The following RYR2 variants were observed in gnomAD, a reference collection of about 807,000 sequenced individuals.
RYR2 encodes the protein ryanodine receptor 2, also known as cardiac muscle ryanodine receptor-calcium release channel.
Under a neutral mutation model 601.1 loss-of-function variants are expected in RYR2, and 227 were observed. The observed-to-expected ratio is 0.38, with a 90% CI of 0.34 to 0.42. RYR2 has a LOEUF of 0.42. RYR2 is among the 10% of genes least tolerant of loss of function. The probability of loss-of-function intolerance (pLI) is 1.00; values close to 1 mark genes in which losing one functional copy is unlikely to be tolerated. For synonymous variants in RYR2, 2,223 were observed against 2,175.1 expected, an observed-to-expected ratio of 1.02 and a Z score of -0.61; for missense variants, 4,646 against 6,156.5, an observed-to-expected ratio of 0.75 and a Z score of 8.21.
chr1:237,327,116 C>T (rs1296114514), intron 2 of RYR2, among the ~76,000 whole-genome samples: 1 of 152,034 alleles, frequency 6.6e-6, no homozygotes, highest in Non-Finnish European at 1.5e-5. Context: ...CACTACAAAT[C>T]TCTGATGTGT....
intron 24 of RYR2, among the ~76,000 whole-genome samples, 181 bp from the exon 25 acceptor site, chr1:237,530,246 G>A (rs764441242): frequency 1.3e-5 from 2 of 151,744 alleles, no homozygotes; most frequent in Non-Finnish European, 2.9e-5. Flanking sequence ...GGGAGGCGGA[G>A]CTTGCAGTGA....
At chr1:237,659,862 C>G (rs1007734997) in intron 54 of RYR2, 123 bp from the exon 55 acceptor site, 2 of 535,418 alleles carry the variant, frequency 3.7e-6, no homozygotes, top group Non-Finnish European at 6.5e-6. Flanking sequence ...AAATTTCAAT[C>G]TTAACCCTTA....
chr1:237,266,303 G>A (rs2058932), intron 1 of RYR2, among the ~76,000 whole-genome samples: 126,175 of 151,938 alleles, frequency 0.83, 52,492 homozygotes, highest in South Asian at 0.93. Context: ...GGCAGTGTTG[G>A]TCTTTATTCT....
At chr1:237,322,053 G>A (rs1695676141) in intron 2 of RYR2, among the ~76,000 whole-genome samples, 1 of 152,080 alleles carries the variant, frequency 6.6e-6, no homozygotes, top group African/African-American at 2.4e-5. Flanking sequence ...TATAAGAACA[G>A]TTTCAATGTT....
chr1:237,646,172 C>A (rs1281619963), intron 48 of RYR2, among the ~76,000 whole-genome samples: 2 of 151,896 alleles, frequency 1.3e-5, no homozygotes, highest in African/African-American at 4.8e-5. Context: ...CCACCGTGCC[C>A]GGCCAAATCT....
chr1:237,794,071 C>T, intron 95 of RYR2, 74 bp downstream of exon 95: 1 of 1,333,326 alleles, frequency 7.5e-7, no homozygotes. Context: ...GGAGTTCCTG[C>T]AGATTTGTCA....
intron 76 of RYR2, among the ~76,000 whole-genome samples, chr1:237,727,724 A>G (rs1016834939): frequency 2.6e-5 from 4 of 152,120 alleles, no homozygotes; most frequent in Non-Finnish European, 5.9e-5. Context: ...TATTTTTGTA[A>G]TTATTAGCAT....
intron 1 of RYR2, among the ~76,000 whole-genome samples, chr1:237,186,384 T>TAC (rs1679338952): frequency 6.6e-6 from 1 of 152,188 alleles, no homozygotes; most frequent in Non-Finnish European, 1.5e-5. Flanking sequence ...AGAGCCTTAG[T>TAC]ACAATAATGA....
chr1:237,564,282 T>C (rs1355192268), intron 27 of RYR2, among the ~76,000 whole-genome samples: 1 of 152,182 alleles, frequency 6.6e-6, no homozygotes, highest in Non-Finnish European at 1.5e-5. Flanking sequence ...CTTTCTTTCT[T>C]TTTTTAAACA....
chr1:237,731,973 C>T (rs1236320729), intron 77 of RYR2, 73 bp from the exon 78 acceptor site: 20 of 892,362 alleles, frequency 2.2e-5, no homozygotes, highest in Non-Finnish European at 3.3e-5. Context: ...CATTGCTGTC[C>T]TTCACAGTGC....
chr1:237,066,680 C>T (rs1432217804), intron 1 of RYR2, among the ~76,000 whole-genome samples: 24 of 150,836 alleles, frequency 1.6e-4, no homozygotes, highest in Non-Finnish European at 2.8e-4. Flanking sequence ...CTCGCTCTGT[C>T]GCCCAGGCTG....
At chr1:237,253,257 G>A (rs1292129253) in intron 1 of RYR2, among the ~76,000 whole-genome samples, 1 of 151,178 alleles carries the variant, frequency 6.6e-6, no homozygotes, top group African/African-American at 2.4e-5. Context: ...CTGTCTAATA[G>A]ATGAGATCAC....
chr1:237,172,985 C>A (rs1228393098), intron 1 of RYR2, among the ~76,000 whole-genome samples: 1 of 152,096 alleles, frequency 6.6e-6, no homozygotes, highest in Non-Finnish European at 1.5e-5. Flanking sequence ...AATAAGCCTG[C>A]TAGTATGAGC....
intron 2 of RYR2, among the ~76,000 whole-genome samples, chr1:237,283,462 G>T (rs1291057701): frequency 6.6e-6 from 1 of 152,212 alleles, no homozygotes; most frequent in Non-Finnish European, 1.5e-5. Flanking sequence ...TGCAGGCAGA[G>T]ACAGCCTCTC....
At chr1:237,213,915 C>CTTTTTTTTTTTTTTTTTTTT (rs71180008) in intron 1 of RYR2, among the ~76,000 whole-genome samples, 1 of 65,496 alleles carries the variant, frequency 1.5e-5, no homozygotes, top group African/African-American at 5.7e-5. Flanking sequence ...TTTTCTTTTT[C>CTTTTTTTTTTTTTTTTTTTT]TTTTTTTTTT....
chr1:237,360,446 T>G (rs1199714415), intron 4 of RYR2, among the ~76,000 whole-genome samples: 2 of 152,222 alleles, frequency 1.3e-5, no homozygotes, highest in African/African-American at 4.8e-5. Context: ...AGATAAAGTG[T>G]GAGAACTTAT....
At chr1:237,405,466 G>A (rs1703767690) in intron 10 of RYR2, among the ~76,000 whole-genome samples, 1 of 152,200 alleles carries the variant, frequency 6.6e-6, no homozygotes, top group South Asian at 2.1e-4. Flanking sequence ...CTAATCCACA[G>A]ACTCATTCTC....
intron 25 of RYR2, among the ~76,000 whole-genome samples, chr1:237,536,714 CA>C (rs71561885): frequency 1.7e-3 from 92 of 54,414 alleles, no homozygotes; most frequent in African/African-American, 5.7e-3. Flanking sequence ...GATTCCGTCT[CA>C]AAAAAAAAAA....
chr1:237,471,467 G>T (rs1233541728), intron 17 of RYR2, among the ~76,000 whole-genome samples: 1 of 152,176 alleles, frequency 6.6e-6, no homozygotes. Context: ...AATGTTTAGG[G>T]CCAAGTGTCC....
Sources: gnomAD v4.1 joint callset for allele counts (sites outside exome capture counted in the v4.1 genomes callset) on GRCh38, gnomAD v4.1.1 for gene constraint, MANE v1.5 for transcripts, NCBI Gene and HGNC (gene_info 2026-07-23, HGNC 2026-07-21) for gene names.